The following XYLT1 variants were observed in gnomAD, a reference collection of about 807,000 sequenced individuals.
The protein encoded by XYLT1 is beta-D-xylosyltransferase 1.
Under a neutral mutation model 91.3 loss-of-function variants are expected in XYLT1, and 36 were observed. The ratio of observed to expected loss-of-function variants is 0.39; its 90% CI spans 0.30 to 0.52. XYLT1 has a LOEUF of 0.52. Among genes scored for constraint, XYLT1 ranks in the 20% least tolerant of loss-of-function variants. The pLI is 0.68. For missense variants in XYLT1, 1,242 were observed against 1,284.5 expected (o/e 0.97, Z 0.51); for synonymous variants, 588 against 532.0 (o/e 1.11, Z -1.45).
At chr16:17,386,381 GC>G (rs1365015589) in intron 1 of XYLT1, among the ~76,000 whole-genome samples, 3 of 152,146 alleles carry the variant, frequency 2.0e-5, no homozygotes, top group Non-Finnish European at 2.9e-5. Flanking sequence ...AGAGCTGGAG[GC>G]GGGGAGGTTA....
intron 2 of XYLT1, among the ~76,000 whole-genome samples, chr16:17,310,922 G>A (rs546545774): frequency 2.6e-5 from 4 of 152,244 alleles, no homozygotes; most frequent in South Asian, 2.1e-4. Flanking sequence ...GTTTCTTTCA[G>A]GGGTCATGTC....
At chr16:17,198,737 A>G (rs2032479407) in intron 4 of XYLT1, among the ~76,000 whole-genome samples, 1 of 152,018 alleles carries the variant, frequency 6.6e-6, no homozygotes. Context: ...TTATTTTGAG[A>G]TGGAGTCTTG....
chr16:17,390,679 G>T (rs1567185565), intron 1 of XYLT1, among the ~76,000 whole-genome samples: 1 of 152,206 alleles, frequency 6.6e-6, no homozygotes, highest in Non-Finnish European at 1.5e-5. Flanking sequence ...AAAGATAACA[G>T]TCCTTCCCCA....
intron 1 of XYLT1, among the ~76,000 whole-genome samples, chr16:17,465,362 A>G (rs1304869171): frequency 6.6e-6 from 1 of 152,042 alleles, no homozygotes. Flanking sequence ...TCCTGGGGAC[A>G]GCAAAAGTCT....
At chr16:17,404,184 C>A (rs1038293453) in intron 1 of XYLT1, among the ~76,000 whole-genome samples, 4 of 152,108 alleles carry the variant, frequency 2.6e-5, no homozygotes, top group South Asian at 2.1e-4. Flanking sequence ...GATACTCCTC[C>A]CCCATCCAGG....
At chr16:17,290,914 G>A (rs1313585308) in intron 2 of XYLT1, among the ~76,000 whole-genome samples, 1 of 152,118 alleles carries the variant, frequency 6.6e-6, no homozygotes, top group Non-Finnish European at 1.5e-5. Flanking sequence ...ATCCTCCTCA[G>A]GCCACCTGAC....
chr16:17,422,098 T>C (rs940413422), intron 1 of XYLT1, among the ~76,000 whole-genome samples: 7 of 152,072 alleles, frequency 4.6e-5, no homozygotes, highest in African/African-American at 1.7e-4. Flanking sequence ...TTCTCCTGCC[T>C]CAGCCTCCCG....
intron 2 of XYLT1, among the ~76,000 whole-genome samples, chr16:17,328,579 A>AAAAAG (rs2034849675): frequency 6.7e-6 from 1 of 148,844 alleles, no homozygotes; most frequent in African/African-American, 2.5e-5. Flanking sequence ...AAAAAAAAGA[A>AAAAAG]GGTGTGATAA....
chr16:17,136,719 C>T (rs1275173958), intron 8 of XYLT1, among the ~76,000 whole-genome samples: 1 of 152,122 alleles, frequency 6.6e-6, no homozygotes, highest in African/African-American at 2.4e-5. Flanking sequence ...TCTCCAAGTT[C>T]TTCGCGCAAG....
chr16:17,254,412 G>T (rs7198231), intron 3 of XYLT1, among the ~76,000 whole-genome samples: 100,003 of 152,048 alleles, frequency 0.66, 35,221 homozygotes, highest in African/African-American at 0.91. Flanking sequence ...ACAATTTTTT[G>T]TTGACAGAGT....
intron 1 of XYLT1, among the ~76,000 whole-genome samples, chr16:17,409,695 GC>G (rs2036083183): frequency 6.6e-6 from 1 of 151,666 alleles, no homozygotes; most frequent in African/African-American, 2.4e-5. Flanking sequence ...GAGTACAGGT[GC>G]CCGCCACCAC....
chr16:17,137,048 TCTGCAGGGAAGA>T (rs1377878035), intron 8 of XYLT1, among the ~76,000 whole-genome samples: 18 of 152,282 alleles, frequency 1.2e-4, no homozygotes, highest in Admixed American at 6.5e-4. Context: ...GCATATCCTT[TCTGCAGGGAAGA>T]TGTGAGTTTA....
Position 17,117,764 on chromosome 16 carries a change from G to C in XYLT1, c.2439C>G (p.Asn813Lys), listed in dbSNP as rs1162938562. ...AEFTHYKPPL[N>K]LPLRPGVWTV... Reference sequence around the variant, plus strand: ...TCCAGACCCCAGGCCTCAGGGGCAAGTTCAAAGGGGGCTTGTAGTGTGTGA... The same window carrying C: ...TCCAGACCCCAGGCCTCAGGGGCAACTTCAAAGGGGGCTTGTAGTGTGTGA... Residue 813 changes from asparagine (N) to lysine (K), a missense_variant, in exon 11 of 12, where the codon AAC becomes AAG. This residue lies in a region of XYLT1 where 511 missense variants were observed against 497.0 expected (regional missense o/e 1.03). Transcript: ENST00000261381. The C allele has an allele frequency of 3.1e-6, 5 of 1,614,220 alleles. No homozygotes were observed. The highest frequency in any genetic ancestry group is 3.4e-6 in the Non-Finnish European group (4 of 1,180,032).
chr16:17,138,669 T>C, intron 7 of XYLT1, 138 bp from the exon 8 acceptor site: 2 of 1,012,254 alleles, frequency 2.0e-6, no homozygotes, highest in African/African-American at 3.2e-5. Flanking sequence ...CATCAGAAGC[T>C]GGGCGGCTTC....
chr16:17,255,383 T>C (rs868170294), intron 3 of XYLT1, among the ~76,000 whole-genome samples: 4 of 152,164 alleles, frequency 2.6e-5, no homozygotes, highest in South Asian at 2.1e-4. Context: ...CTATGACGGA[T>C]GGCAGACTTG....
At chr16:17,387,181 A>C (rs140604655) in intron 1 of XYLT1, among the ~76,000 whole-genome samples, 1 of 152,138 alleles carries the variant, frequency 6.6e-6, no homozygotes, top group South Asian at 2.1e-4. Flanking sequence ...CCTCTCCTCC[A>C]TCCTTCATGC....
intron 5 of XYLT1, among the ~76,000 whole-genome samples, chr16:17,186,295 G>A (rs1227513990): frequency 6.6e-6 from 1 of 151,902 alleles, no homozygotes; most frequent in Non-Finnish European, 1.5e-5. Context: ...TAAAGACGGG[G>A]TTTCACCATG....
At position 17,256,211 on chromosome 16, in the gene XYLT1, C is replaced by T. The variant is rs1025324057; in HGVS notation, c.913+2777G>A. Among the ~76,000 whole-genome samples the T allele has an allele frequency of 2.6e-5, 4 of 152,234 alleles. No individual in the cohort carries two copies. In the South Asian group the frequency reaches 8.3e-4, roughly 32 times the overall value. On this transcript the variant is annotated intron_variant, in intron 3 of 11. Transcript: ENST00000261381. The stretch of plus-strand genomic sequence containing the variant: ...TGCAATGAGTGTAGGTGGCCACCTC[C>T]TATTTGATCTAAATCCTCTATTCTG...
chr16:17,275,433 G>A (rs1007986206), intron 2 of XYLT1, among the ~76,000 whole-genome samples: 2 of 152,182 alleles, frequency 1.3e-5, no homozygotes, highest in African/African-American at 4.8e-5. Flanking sequence ...GGCCCTGGAA[G>A]AAAGCAATCA....
Sources: allele counts gnomAD v4.1 joint callset (sites outside exome capture counted in the v4.1 genomes callset), GRCh38; gene constraint gnomAD v4.1.1; regional missense constraint gnomAD v4.1.1; transcripts MANE v1.5; gene names NCBI Gene and HGNC (gene_info 2026-07-23, HGNC 2026-07-21).